The following BRINP3 variants were observed in gnomAD, a reference collection of about 807,000 sequenced individuals.
BRINP3 encodes BMP/retinoic acid-inducible neural-specific protein 3.
In BRINP3, 19 loss-of-function variants were observed where a neutral mutation model predicts 71.0. The observed-to-expected ratio is 0.27, with a 90% confidence interval of 0.19 to 0.39. BRINP3 has a LOEUF of 0.39. Among genes scored for constraint, BRINP3 ranks in the 10% least tolerant of loss-of-function variants. The pLI is 1.00. For missense variants in BRINP3, 959 were observed against 940.8 expected, an observed-to-expected ratio of 1.02 and a Z score of -0.25; for synonymous variants, 380 against 337.7, an observed-to-expected ratio of 1.13 and a Z score of -1.37.
chr1:190,103,908 C>CTTT (rs771659610), intron 7 of BRINP3, among the ~76,000 whole-genome samples: 1 of 143,326 alleles, frequency 7.0e-6, no homozygotes, highest in Non-Finnish European at 1.5e-5. Context: ...GGGCCAGTCA[C>CTTT]TTTTTTTTTT....
At chr1:190,473,090 C>A (rs560359235) in intron 1 of BRINP3, among the ~76,000 whole-genome samples, 1 of 151,800 alleles carries the variant, frequency 6.6e-6, no homozygotes, top group South Asian at 2.1e-4. Flanking sequence ...ATTAAAACAA[C>A]ATAGATTTAA....
intron 6 of BRINP3, among the ~76,000 whole-genome samples, chr1:190,189,147 G>T (rs1653807994): frequency 6.6e-6 from 1 of 152,132 alleles, no homozygotes; most frequent in Non-Finnish European, 1.5e-5. Flanking sequence ...TAAGGATGAT[G>T]CTGGCCTTGT....
chr1:190,460,439 A>C (rs1247260315), intron 1 of BRINP3, among the ~76,000 whole-genome samples: 2 of 152,028 alleles, frequency 1.3e-5, no homozygotes, highest in Non-Finnish European at 2.9e-5. Context: ...TGAGGTAAAA[A>C]TATTTTAACA....
At chr1:190,438,316 ATAT>A (rs1674599332) in intron 2 of BRINP3, among the ~76,000 whole-genome samples, 1 of 151,644 alleles carries the variant, frequency 6.6e-6, no homozygotes, top group African/African-American at 2.4e-5. Flanking sequence ...ATAATCTCAA[ATAT>A]TATTTTTAGG....
At position 190,216,618 on chromosome 1, in the gene BRINP3, A is replaced by T. The variant is rs946826532; in HGVS notation, c.961+9464T>A. 3.3e-4 allele frequency among the ~76,000 whole-genome samples: 50 copies of T among 151,986 alleles called. 1 individual carries two copies. Among genetic ancestry groups the T allele is most frequent in the Admixed American group, 3.2e-3 (48 of 15,224 alleles). ...GACTTGCCCATTACAGAACAAAATG[A>T]ATCAAATATAATCAAATATAAAATG... On this transcript the variant is annotated intron_variant, in intron 6 of 7. Coordinates refer to ENST00000367462, the MANE Select transcript of BRINP3 (RefSeq NM_199051.3).
At chr1:190,248,612 T>C (rs1388628908) in intron 4 of BRINP3, among the ~76,000 whole-genome samples, 2 of 151,758 alleles carry the variant, frequency 1.3e-5, no homozygotes, top group Non-Finnish European at 2.9e-5. Flanking sequence ...TTTTTTCTGA[T>C]TGCATAGTTC....
intron 7 of BRINP3, among the ~76,000 whole-genome samples, chr1:190,126,843 A>G (rs1184748206): frequency 6.6e-6 from 1 of 151,918 alleles, no homozygotes; most frequent in African/African-American, 2.4e-5. Context: ...AATGTACATT[A>G]CATAGGAGAA....
chr1:190,458,607 T>C (rs1296507787), intron 1 of BRINP3, among the ~76,000 whole-genome samples: 1 of 152,054 alleles, frequency 6.6e-6, no homozygotes, highest in Non-Finnish European at 1.5e-5. Flanking sequence ...TGGTTTGGGT[T>C]ATAACCATAT....
chr1:190,175,466 A>G (rs1652420718), intron 6 of BRINP3, among the ~76,000 whole-genome samples: 1 of 152,184 alleles, frequency 6.6e-6, no homozygotes, highest in African/African-American at 2.4e-5. Flanking sequence ...ACAATATATT[A>G]CTTAACTCAT....
intron 2 of BRINP3, among the ~76,000 whole-genome samples, chr1:190,362,624 T>C (rs1669222387): frequency 6.6e-6 from 1 of 152,178 alleles, no homozygotes; most frequent in Admixed American, 6.5e-5. Context: ...TTCCAACATG[T>C]TGTGGGAGGA....
chr1:190,354,959 A>C (rs1274753195), intron 2 of BRINP3, among the ~76,000 whole-genome samples: 1 of 151,766 alleles, frequency 6.6e-6, no homozygotes, highest in Admixed American at 6.6e-5. Flanking sequence ...ATATATTTGG[A>C]TATCTGCTTA....
chr1:190,223,657 C>T (rs1273698477), intron 6 of BRINP3, among the ~76,000 whole-genome samples: 6 of 151,734 alleles, frequency 4.0e-5, no homozygotes, highest in Non-Finnish European at 5.9e-5. Flanking sequence ...TTCAACATGA[C>T]ATGGAAAGTC....
At chr1:190,187,586 C>A (rs1653642805) in intron 6 of BRINP3, among the ~76,000 whole-genome samples, 1 of 151,908 alleles carries the variant, frequency 6.6e-6, no homozygotes, top group African/African-American at 2.4e-5. Context: ...TAATTTTATT[C>A]TTTTCTGTAC....
Position 190,310,636 on chromosome 1 carries a change from A to T in BRINP3, c.237-28886T>A, listed in dbSNP as rs1432021266. On this transcript the variant is annotated intron_variant, in intron 2 of 7. Transcript: ENST00000367462. Reference sequence around the variant, plus strand: ...CATTATTATCATCTTCTCATATGTAATTATCATAACTTTCTCCCTTTGTTA... The same window carrying T: ...CATTATTATCATCTTCTCATATGTATTTATCATAACTTTCTCCCTTTGTTA... Among the ~76,000 whole-genome samples the T allele has an allele frequency of 2.0e-5, 3 of 151,600 alleles. No homozygotes were observed. The Admixed American group carries it at 2.0e-4, about 10-fold the overall frequency.
chr1:190,157,700 G>A (rs967809337), intron 7 of BRINP3, among the ~76,000 whole-genome samples: 8 of 152,032 alleles, frequency 5.3e-5, no homozygotes, highest in African/African-American at 1.9e-4. Flanking sequence ...GGCATGGAAT[G>A]TTCCCTGGGA....
chr1:190,227,428 T>G (rs1386037622), intron 5 of BRINP3, among the ~76,000 whole-genome samples: 1 of 151,804 alleles, frequency 6.6e-6, no homozygotes, highest in African/African-American at 2.4e-5. Flanking sequence ...CTGGAATAAA[T>G]ATTTATTGAA....
chr1:190,292,126 T>C (rs972962414), intron 2 of BRINP3, among the ~76,000 whole-genome samples: 73 of 152,160 alleles, frequency 4.8e-4, no homozygotes, highest in Admixed American at 2.9e-3. Flanking sequence ...AGTAGACTGG[T>C]AGCTACCAGA....
intron 6 of BRINP3, among the ~76,000 whole-genome samples, chr1:190,196,295 C>T (rs986388542): frequency 6.6e-5 from 10 of 152,098 alleles, no homozygotes; most frequent in African/African-American, 2.4e-4. Flanking sequence ...TCAGCTGTGG[C>T]AGATAGATTT....
intron 2 of BRINP3, among the ~76,000 whole-genome samples, chr1:190,293,663 G>C (rs1178666855): frequency 6.6e-6 from 1 of 152,066 alleles, no homozygotes; most frequent in East Asian, 1.9e-4. Flanking sequence ...TCTTTCCCTT[G>C]AGATCTATTA....
Sources: gnomAD v4.1 joint callset for allele counts (sites outside exome capture counted in the v4.1 genomes callset) on GRCh38, gnomAD v4.1.1 for gene constraint, MANE v1.5 for transcripts, NCBI Gene and HGNC (gene_info 2026-07-23, HGNC 2026-07-21) for gene names.